CAMTA1: variants seen among roughly 807,000 people sequenced by gnomAD.
CAMTA1 encodes calmodulin binding transcription activator 1, also known as calmodulin-binding transcription activator 1.
Under a neutral mutation model 170.9 loss-of-function variants are expected in CAMTA1, and 27 were observed. The observed-to-expected ratio is 0.16, with a 90% CI of 0.12 to 0.22. The LOEUF is 0.22. Among genes scored for constraint, CAMTA1 ranks in the 10% least tolerant of loss-of-function variants. The pLI is 1.00. For missense variants in CAMTA1, 1,619 were observed against 2,217.2 expected, an observed-to-expected ratio of 0.73 and a Z score of 5.42; for synonymous variants, 833 against 891.5, an observed-to-expected ratio of 0.93 and a Z score of 1.17.
intron 5 of CAMTA1, among the ~76,000 whole-genome samples, chr1:7,284,494 G>A (rs529748683): frequency 2.6e-5 from 4 of 152,276 alleles, no homozygotes; most frequent in African/African-American, 9.6e-5. Flanking sequence ...GAGCCACCAC[G>A]TCCAGGCTTG....
At chr1:6,819,237 C>T (rs1170259007) in intron 1 of CAMTA1, among the ~76,000 whole-genome samples, 2 of 152,040 alleles carry the variant, frequency 1.3e-5, no homozygotes, top group African/African-American at 4.8e-5. Context: ...TTATTTAATA[C>T]TGCAGCCAAA....
At chr1:7,298,327 C>T (rs1363168646) in intron 5 of CAMTA1, among the ~76,000 whole-genome samples, 1 of 2,948 alleles carries the variant, frequency 3.4e-4, no homozygotes, top group East Asian at 9.8e-3. Flanking sequence ...GATCCACCCC[C>T]CACCCCGCAG....
chr1:6,917,009 C>G (rs1229649867), intron 3 of CAMTA1, among the ~76,000 whole-genome samples: 3 of 152,132 alleles, frequency 2.0e-5, no homozygotes, highest in Non-Finnish European at 4.4e-5. Context: ...GGGAAGACTT[C>G]TCTGAGCAAG....
intron 3 of CAMTA1, among the ~76,000 whole-genome samples, chr1:6,967,893 G>T (rs1691836576): frequency 6.6e-6 from 1 of 152,158 alleles, no homozygotes; most frequent in African/African-American, 2.4e-5. Context: ...GGGTGACTCA[G>T]CTCTTAGTCT....
At chr1:6,872,230 C>T (rs1279447224) in intron 3 of CAMTA1, among the ~76,000 whole-genome samples, 2 of 139,824 alleles carry the variant, frequency 1.4e-5, no homozygotes, top group African/African-American at 5.1e-5. Context: ...TACACCCTCA[C>T]CATCACCACC....
At chr1:7,017,794 C>T (rs1213643164) in intron 3 of CAMTA1, among the ~76,000 whole-genome samples, 1 of 152,138 alleles carries the variant, frequency 6.6e-6, no homozygotes. Flanking sequence ...CTGACCCCTG[C>T]CTGTTTTCTC....
chr1:6,858,442 TGTGGTGGTGGTGGTG>T (rs142635550), intron 3 of CAMTA1, among the ~76,000 whole-genome samples: 5 of 113,798 alleles, frequency 4.4e-5, no homozygotes, highest in African/African-American at 1.7e-4. Flanking sequence ...AAGTGGTGTG[TGTGGTGGTGGTGGTG>T]GTGGTGGTGG....
intron 4 of CAMTA1, among the ~76,000 whole-genome samples, chr1:7,221,038 C>G (rs1660661959): frequency 6.6e-6 from 1 of 152,144 alleles, no homozygotes; most frequent in African/African-American, 2.4e-5. Flanking sequence ...GGTGGGAGAG[C>G]CAGGGCAGCA....
chr1:6,827,502 C>G (rs528983776), intron 3 of CAMTA1, among the ~76,000 whole-genome samples: 110 of 148,350 alleles, frequency 7.4e-4, no homozygotes, highest in African/African-American at 2.6e-3. Context: ...ATTGTTAATT[C>G]TGCAGAATGT....
At chr1:7,152,862 TC>T (rs1169365496) in intron 4 of CAMTA1, among the ~76,000 whole-genome samples, 2 of 152,202 alleles carry the variant, frequency 1.3e-5, no homozygotes, top group African/African-American at 4.8e-5. Flanking sequence ...TCACAGATGT[TC>T]CAGGCCGAGG....
chr1:7,761,922 A>G (rs960453189), intron 22 of CAMTA1, among the ~76,000 whole-genome samples: 2 of 152,042 alleles, frequency 1.3e-5, no homozygotes, highest in Admixed American at 6.6e-5. Flanking sequence ...GGGCTGAGGC[A>G]GGAGAATTGC....
At chr1:7,132,048 T>TACAC (rs70984054) in intron 4 of CAMTA1, among the ~76,000 whole-genome samples, 1,836 of 149,828 alleles carry the variant, frequency 0.012, 31 homozygotes, top group African/African-American at 0.042. Context: ...GTGACTCTGT[T>TACAC]ACACACACAC....
At chr1:7,555,434 GC>G (rs1317445319) in intron 6 of CAMTA1, among the ~76,000 whole-genome samples, 2 of 151,888 alleles carry the variant, frequency 1.3e-5, no homozygotes, top group Non-Finnish European at 2.9e-5. Flanking sequence ...CCCACCTGTG[GC>G]CACCCCACAG....
chr1:6,789,263 TCTGTTTC>T (rs1039207277), intron 1 of CAMTA1, among the ~76,000 whole-genome samples: 43 of 152,358 alleles, frequency 2.8e-4, no homozygotes, highest in African/African-American at 1.0e-3. Flanking sequence ...AGCTGTGTTT[TCTGTTTC>T]CTTAGTTTTT....
In CAMTA1 at chr1:6,891,759, A is replaced by G. The variant is rs546560873; in HGVS notation, c.234+66549A>G. On this transcript the variant is annotated intron_variant, in intron 3 of 22. Coordinates refer to ENST00000303635, the MANE Select transcript of CAMTA1 (RefSeq NM_015215.4). Reference sequence around the variant, plus strand: ...AAAGTCCACCAGCCAATTTTAATACATAAATAATCTATGATTAGCATTAGT... The same window carrying G: ...AAAGTCCACCAGCCAATTTTAATACGTAAATAATCTATGATTAGCATTAGT... 9.2e-5 allele frequency among the ~76,000 whole-genome samples: 14 copies of G among 152,376 alleles called. No individual in the cohort carries two copies. The East Asian group carries it at 2.5e-3, about 27-fold the overall frequency.
At chr1:7,104,350 C>G (rs1643361705) in intron 4 of CAMTA1, among the ~76,000 whole-genome samples, 1 of 139,706 alleles carries the variant, frequency 7.2e-6, no homozygotes, top group Non-Finnish European at 1.5e-5. Flanking sequence ...TACACACATG[C>G]ATAAATACTC....
Position 7,251,231 on chromosome 1 carries a change from A to G in CAMTA1, c.438+1605A>G, listed in dbSNP as rs1166379203. Among the ~76,000 whole-genome samples, 2 of 152,226 alleles carry G rather than the reference A, an allele frequency of 1.3e-5. No homozygotes were observed. Among genetic ancestry groups the G allele is most frequent in the East Asian group, 3.8e-4 (2 of 5,196 alleles). On this transcript the variant is annotated intron_variant, in intron 5 of 22. Coordinates refer to ENST00000303635, the MANE Select transcript of CAMTA1 (RefSeq NM_015215.4). The surrounding 1 kb of genome is among the most constrained non-coding windows in gnomAD (Gnocchi z 5.1). Reference sequence around the variant, plus strand: ...GAATTCTTCCTCAGCAGCAGCTGAGAAGCCGAGGGGAGAAAACAACCCACA... The same window carrying G: ...GAATTCTTCCTCAGCAGCAGCTGAGGAGCCGAGGGGAGAAAACAACCCACA...
chr1:7,544,636 A>G (rs2094664564), intron 6 of CAMTA1, among the ~76,000 whole-genome samples: 1 of 152,354 alleles, frequency 6.6e-6, no homozygotes, highest in South Asian at 2.1e-4. Flanking sequence ...TAGTGTTGCT[A>G]TAACATAACA....
intron 4 of CAMTA1, among the ~76,000 whole-genome samples, chr1:7,124,441 G>A (rs1644817436): frequency 6.6e-6 from 1 of 152,186 alleles, no homozygotes. Context: ...CTCCACATTT[G>A]CAATCAGAGT....
Sources: gnomAD v4.1 joint callset for allele counts (sites outside exome capture counted in the v4.1 genomes callset) on GRCh38, gnomAD v4.1.1 for gene constraint, Gnocchi (gnomAD v3.1) non-coding constraint, MANE v1.5 for transcripts, NCBI Gene and HGNC (gene_info 2026-07-23, HGNC 2026-07-21) for gene names.